Variants in SLC28A1 observed in about 807,000 individuals in gnomAD.
SLC28A1 encodes the protein solute carrier family 28 member 1.
In SLC28A1, 64 loss-of-function variants were observed where a neutral mutation model predicts 74.8. The observed-to-expected ratio is 0.86, with a 90% confidence interval of 0.70 to 1.05. SLC28A1 has a LOEUF of 1.05. SLC28A1 is among the 50% of genes least tolerant of loss of function. The pLI, the probability that SLC28A1 is intolerant of heterozygous loss-of-function variation, is 0.00. For missense variants in SLC28A1, 828 were observed against 822.8 expected (o/e 1.01, Z -0.08); for synonymous variants, 359 against 335.0 (o/e 1.07, Z -0.78).
chr15:84,888,428 G>C (rs978289764), intron 3 of SLC28A1, among the ~76,000 whole-genome samples: 1 of 150,342 alleles, frequency 6.7e-6, no homozygotes, highest in Admixed American at 6.6e-5. Flanking sequence ...TCCACAGACG[G>C]TGGGTGCATG....
chr15:84,931,138 TCA>T (rs2141988978), intron 12 of SLC28A1, among the ~76,000 whole-genome samples: 1 of 151,744 alleles, frequency 6.6e-6, no homozygotes, highest in Non-Finnish European at 1.5e-5. Flanking sequence ...ACTCCTGACC[TCA>T]AGTGATCTGC....
chr15:84,904,404 A>C (rs2290271), intron 7 of SLC28A1, among the ~76,000 whole-genome samples, 166 bp downstream of exon 7: 58,347 of 151,938 alleles, frequency 0.38, 11,395 homozygotes, highest in South Asian at 0.56. Flanking sequence ...TCCTGTGAAG[A>C]AGAAGTCTTC....
rs949660052 is a variant in SLC28A1 at position 84,944,606 on chromosome 15, A to G, written c.1704A>G (p.Ile568Met). ...VPQRKSDFSQ[I>M]VLRALFTGAC... ...AACGGAAGAGCGACTTCTCCCAGAT[A>G]GTGCTCCGGGCGCTCTTCACGGGAG... The change falls in exon 17 of 19, where the codon ATA becomes ATG. Residue 568 changes from isoleucine (I) to methionine (M), a missense_variant. By Grantham distance (10) the Ile-to-Met change is conservative. This residue lies in a region of SLC28A1 where 767 missense variants were observed against 753.5 expected (regional missense o/e 1.02). Coordinates refer to ENST00000394573, the MANE Select transcript of SLC28A1 (RefSeq NM_004213.5). 6 of 1,614,022 alleles carry G rather than the reference A, an allele frequency of 3.7e-6. No individual in the cohort carries two copies. The highest frequency in any genetic ancestry group is 2.2e-5 in the East Asian group (1 of 44,860).
At chr15:84,888,954 G>A (rs1434524848) in intron 4 of SLC28A1, 94 bp downstream of exon 4, 1 of 871,472 alleles carries the variant, frequency 1.1e-6, no homozygotes, top group Non-Finnish European at 1.9e-6. Context: ...TGGGAGTTGG[G>A]GGGACGTGAA....
At chr15:84,958,071 A>C in the SLC28A1 span, among the ~76,000 whole-genome samples, 2 of 152,156 alleles carry the variant, frequency 1.3e-5, no homozygotes, top group Non-Finnish European at 2.9e-5. Context: ...AGAATTTCTG[A>C]AGAAAACAGA....
At chr15:84,923,467 C>T (rs74024760) in intron 11 of SLC28A1, among the ~76,000 whole-genome samples, 7,825 of 152,164 alleles carry the variant, frequency 0.051, 636 homozygotes, top group African/African-American at 0.18. Context: ...AGGCGCTCAA[C>T]AACTAGATAC....
intron 9 of SLC28A1, among the ~76,000 whole-genome samples, chr15:84,914,660 C>T (rs1968827484): frequency 6.6e-6 from 1 of 152,190 alleles, no homozygotes; most frequent in Non-Finnish European, 1.5e-5. Flanking sequence ...AGGACAAGCC[C>T]TCGTGGTTGG....
At chr15:84,946,108 A>ATTTTTTTT (rs1567196454), downstream of SLC28A1, among the ~76,000 whole-genome samples, 5 of 11,124 alleles carry the variant, frequency 4.5e-4, no homozygotes, top group African/African-American at 1.1e-3. Flanking sequence ...ATATATATAT[A>ATTTTTTTT]TATATTTTTT....
the SLC28A1 span, among the ~76,000 whole-genome samples, chr15:84,968,293 T>G: frequency 1.3e-5 from 2 of 152,166 alleles, no homozygotes; most frequent in Non-Finnish European, 2.9e-5. Flanking sequence ...AAAAATTCAG[T>G]CTGATGCCTG....
chr15:84,891,726 T>C (rs954426013), intron 5 of SLC28A1, among the ~76,000 whole-genome samples: 12 of 152,082 alleles, frequency 7.9e-5, no homozygotes, highest in African/African-American at 2.9e-4. Context: ...AAAAACTGAA[T>C]TGGAGCGGAT....
intron 16 of SLC28A1, 125 bp downstream of exon 16, chr15:84,943,651 A>G: frequency 1.3e-6 from 1 of 765,148 alleles, no homozygotes; most frequent in South Asian, 1.4e-5. Context: ...CATAGAGGCC[A>G]GGTGTGGTGG....
intron 7 of SLC28A1, among the ~76,000 whole-genome samples, chr15:84,904,754 C>T (rs555004885): frequency 7.9e-5 from 12 of 151,254 alleles, no homozygotes; most frequent in African/African-American, 2.7e-4. Flanking sequence ...ATCATCCTGT[C>T]AGCAAGCACA....
the SLC28A1 span, among the ~76,000 whole-genome samples, chr15:84,953,795 A>G: frequency 6.6e-6 from 1 of 152,240 alleles, no homozygotes; most frequent in Non-Finnish European, 1.5e-5. Context: ...CCTCATTTGT[A>G]AAAAATGTAT....
At chr15:84,902,285 G>C (rs921729627) in intron 6 of SLC28A1, among the ~76,000 whole-genome samples, 2 of 152,146 alleles carry the variant, frequency 1.3e-5, no homozygotes, top group South Asian at 2.1e-4. Context: ...TTCAAGACCA[G>C]CCTGGCCAAC....
chr15:84,887,650 C>CCCCCA, intron 2 of SLC28A1, 95 bp from the exon 3 acceptor site: 1 of 1,559,262 alleles, frequency 6.4e-7, no homozygotes, highest in Non-Finnish European at 8.7e-7. Flanking sequence ...GCATCTGCTC[C>CCCCCA]CCCCACTCAG....
At chr15:84,885,672 A>C (rs1174969680) in intron 1 of SLC28A1, among the ~76,000 whole-genome samples, 1 of 149,178 alleles carries the variant, frequency 6.7e-6, no homozygotes, top group Non-Finnish European at 1.5e-5. Flanking sequence ...CGGAGGTTGC[A>C]GTGAACCGAG....
chr15:84,928,223 T>G (rs1331316435), intron 12 of SLC28A1, among the ~76,000 whole-genome samples: 1 of 152,204 alleles, frequency 6.6e-6, no homozygotes, highest in Non-Finnish European at 1.5e-5. Context: ...CTAGGTGCCC[T>G]TGAGCCTCCA....
chr15:84,964,787 T>C, the SLC28A1 span, among the ~76,000 whole-genome samples: 1 of 150,070 alleles, frequency 6.7e-6, no homozygotes, highest in African/African-American at 2.5e-5. Context: ...ATGGGAAGAA[T>C]CTTTCCACAG....
intron 12 of SLC28A1, among the ~76,000 whole-genome samples, chr15:84,928,563 T>TCTCTCTCC (rs1970806152): frequency 4.2e-5 from 1 of 24,072 alleles, no homozygotes. Flanking sequence ...TCTTTCTTTC[T>TCTCTCTCC]TTCTTTCTTT....
Sources: allele counts gnomAD v4.1 joint callset (sites outside exome capture counted in the v4.1 genomes callset), GRCh38; gene constraint gnomAD v4.1.1; regional missense constraint gnomAD v4.1.1; transcripts MANE v1.5; gene names NCBI Gene and HGNC (gene_info 2026-07-23, HGNC 2026-07-21).